Variants in SPG7 observed in about 807,000 individuals in gnomAD.
SPG7 encodes the protein mitochondrial inner membrane m-AAA protease component paraplegin.
Under a neutral mutation model 81.9 loss-of-function variants are expected in SPG7, and 103 were observed. The observed-to-expected ratio is 1.26, with a 90% CI of 1.07 to 1.48. The LOEUF is 1.48. SPG7 is among the 40% of genes most tolerant of loss of function. SPG7 has a pLI of 0.00. For synonymous variants in SPG7, 534 were observed against 444.2 expected, an observed-to-expected ratio of 1.20 and a Z score of -2.54; for missense variants, 1,241 against 1,087.3, an observed-to-expected ratio of 1.14 and a Z score of -1.99.
rs1375985161 is a variant in SPG7 at position 89,536,514 on chromosome 16, T to C, written c.1324+3878T>C. On this transcript the variant is annotated intron_variant, in intron 9 of 16. Transcript: ENST00000645818. The stretch of plus-strand genomic sequence containing the variant: ...GGTGAGGCAGGTGAGGTGAGGCGGG[T>C]GAGGTCAGGTGAGGCGGGTGAGGTC... Among the ~76,000 whole-genome samples the C allele has an allele frequency of 0.018, 559 of 30,414 alleles. 16 individuals are homozygous for C. The highest frequency in any genetic ancestry group is 0.061 in the African/African-American group (518 of 8,526). 20.0% of individuals were successfully genotyped at this position (30,414 alleles called of 152,430 possible). A position where few individuals can be genotyped will look rare whatever the true frequency, so the allele number is the denominator to read the frequency against.
At chr16:89,530,166 A>C in intron 6 of SPG7, 1 of 268,516 alleles carries the variant, frequency 3.7e-6, no homozygotes, top group South Asian at 3.8e-5. Context: ...TGTGTGTGTG[A>C]CAGAGTCTGG....
intron 10 of SPG7, 74 bp from the exon 11 acceptor site, chr16:89,546,583 CA>C (rs1215085208): frequency 6.8e-5 from 65 of 962,588 alleles, no homozygotes; most frequent in African/African-American, 5.8e-4. Flanking sequence ...CCCCCCCCCC[CA>C]CAGACAAACA....
Position 89,521,791 on chromosome 16 carries a change from G to A in SPG7, c.377-2215G>A, listed in dbSNP as rs1311920620. 4 of 152,248 alleles carry A rather than the reference G, an allele frequency of 2.6e-5. No individual in the cohort carries two copies. In the South Asian group the frequency reaches 6.2e-4, roughly 24 times the overall value. 9.4% of individuals were successfully genotyped at this position (152,248 alleles called of 1,614,324 possible). A position where few individuals can be genotyped will look rare whatever the true frequency, so the allele number is the denominator to read the frequency against. ...ACCCCATCTCAACAAAAATAAAAAA[G>A]AAAAGAAAATGGGACACTGTTGATA... On this transcript the variant is annotated intron_variant, in intron 3 of 16. Coordinates refer to ENST00000645818, the MANE Select transcript of SPG7 (RefSeq NM_003119.4).
chr16:89,521,580 T>C (rs2058188391), intron 3 of SPG7: 1 of 152,186 alleles, frequency 6.6e-6, no homozygotes, highest in Non-Finnish European at 1.5e-5. Flanking sequence ...CATCTTCTAC[T>C]CAAATTTAAA....
chr16:89,512,079 T>C (rs1399134681), intron 2 of SPG7, among the ~76,000 whole-genome samples: 2 of 151,282 alleles, frequency 1.3e-5, no homozygotes, highest in Non-Finnish European at 2.9e-5. Context: ...GCCCGGCTAA[T>C]TTTTTGTATT....
intron 12 of SPG7, chr16:89,548,839 A>G (rs1203926174): frequency 9.3e-6 from 4 of 428,624 alleles, no homozygotes; most frequent in African/African-American, 8.0e-5. Flanking sequence ...AGTGTGAGAC[A>G]GGTTGAACGT....
chr16:89,532,724 C>G (rs567862370), intron 9 of SPG7, 88 bp downstream of exon 9: 4 of 1,485,552 alleles, frequency 2.7e-6, no homozygotes, highest in Non-Finnish European at 3.7e-6. Context: ...GAGCCAAGAT[C>G]GTGTCACTGC....
At chr16:89,526,554 A>G (rs1169621375) in intron 5 of SPG7, 86 bp downstream of exon 5, 1 of 1,504,730 alleles carries the variant, frequency 6.6e-7, no homozygotes, top group African/African-American at 1.4e-5. Context: ...AAAATCTCAA[A>G]CTGTCTTTGC....
intron 6 of SPG7, chr16:89,530,233 C>G (rs1461254186): frequency 3.1e-6 from 1 of 321,968 alleles, no homozygotes; most frequent in African/African-American, 2.2e-5. Flanking sequence ...CAACCTCTGC[C>G]TCCTGGGTTC....
intron 3 of SPG7, chr16:89,523,760 T>TGTCTC (rs113476208): frequency 8.8e-5 from 58 of 656,680 alleles, no homozygotes; most frequent in Admixed American, 6.2e-5. Context: ...GGTTTCCTCT[T>TGTCTC]AGGTGGGAAC....
chr16:89,540,741 C>G (rs968394969), intron 9 of SPG7: 37 of 272,146 alleles, frequency 1.4e-4, no homozygotes, highest in Admixed American at 1.9e-4. Flanking sequence ...AACGTGTGCT[C>G]ACCATGTGAC....
chr16:89,528,615 T>A (rs1353574679), intron 5 of SPG7: 1 of 150,062 alleles, frequency 6.7e-6, no homozygotes, highest in Non-Finnish European at 1.5e-5. Context: ...TTTTTTTTTT[T>A]TTTTTTTTGG....
chr16:89,536,828 C>A lies in SPG7; in HGVS notation c.1324+4192C>A, dbSNP rs574591143. 4.3e-6 allele frequency: 7 copies of A among 1,614,156 alleles called. No individual in the cohort carries two copies. The South Asian group carries it at 7.7e-5, about 18-fold the overall frequency. ...AGGAAGCTCAGAGGAAAGACCCCCG[C>A]CTGCTCCTGTCTCACGGAGCCCACA... On this transcript the variant is annotated intron_variant, in intron 9 of 16. Transcript: ENST00000645818.
chr16:89,516,847 A>G (rs1597610948), intron 3 of SPG7: 1 of 152,080 alleles, frequency 6.6e-6, no homozygotes, highest in Non-Finnish European at 1.5e-5. Flanking sequence ...CCTGGGCGAC[A>G]CAGCAAGACT....
chr16:89,555,984 A>C, intron 16 of SPG7: 2 of 398,750 alleles, frequency 5.0e-6, no homozygotes, highest in South Asian at 1.3e-4. Flanking sequence ...TCCCCGGCTG[A>C]AGCAGGCCTG....
At position 89,530,677 on chromosome 16, in the gene SPG7, G is replaced by C; in HGVS notation, c.862-6G>C. The C allele has an allele frequency of 6.2e-7, 1 of 1,614,078 alleles. No homozygotes were observed. Among genetic ancestry groups the C allele is most frequent in the South Asian group, 1.1e-5 (1 of 91,064 alleles). The stretch of plus-strand genomic sequence containing the variant: ...CAGCTCCTTGCACTTTGTTCTTTCT[G>C]CACAGAATCAGCTTAAAATGGCTCG... On this transcript the variant is annotated splice_region_variant and splice_polypyrimidine_tract_variant and intron_variant, in intron 6 of 16. Coordinates refer to ENST00000645818, the MANE Select transcript of SPG7 (RefSeq NM_003119.4).
chr16:89,513,102 T>G, intron 3 of SPG7, 65 bp downstream of exon 3: 1 of 1,544,534 alleles, frequency 6.5e-7, no homozygotes, highest in East Asian at 2.5e-5. Flanking sequence ...TCTGTTTTCC[T>G]TTTAGCAAGG....
chr16:89,524,399 C>A, intron 4 of SPG7, 152 bp downstream of exon 4: 1 of 885,690 alleles, frequency 1.1e-6, no homozygotes, highest in Non-Finnish European at 1.7e-6. Context: ...GCTTCTTTCT[C>A]ATGCAGGGAC....
intron 9 of SPG7, chr16:89,540,523 C>T (rs1219703840): frequency 6.6e-6 from 1 of 152,062 alleles, no homozygotes; most frequent in Non-Finnish European, 1.5e-5. Context: ...CAGTTCGAGG[C>T]TACAGGGAGC....
Sources: gnomAD v4.1 joint callset for allele counts (sites outside exome capture counted in the v4.1 genomes callset) on GRCh38, gnomAD v4.1.1 for gene constraint, MANE v1.5 for transcripts, NCBI Gene and HGNC (gene_info 2026-07-23, HGNC 2026-07-21) for gene names.